Variants in SDK1 observed in about 807,000 individuals in gnomAD.
SDK1 encodes the protein sidekick cell adhesion molecule 1, also known as protein sidekick-1.
Under a neutral mutation model 245.5 loss-of-function variants are expected in SDK1, and 157 were observed. That is an observed-to-expected ratio of 0.64 (90% CI 0.56 to 0.73). SDK1 has a LOEUF of 0.73. Ranked by LOEUF, SDK1 falls within the 30% of genes least tolerant of loss-of-function variation. The pLI, the probability that SDK1 is intolerant of heterozygous loss-of-function variation, is 0.00. For synonymous variants in SDK1, 1,647 were observed against 1,278.5 expected (o/e 1.29, Z -6.15); for missense variants, 3,583 against 3,002.3 (o/e 1.19, Z -4.52).
At chr7:3,384,448 T>C (rs1250087212) in intron 1 of SDK1, among the ~76,000 whole-genome samples, 2 of 152,240 alleles carry the variant, frequency 1.3e-5, no homozygotes, top group Non-Finnish European at 2.9e-5. Flanking sequence ...GCGTCCTATA[T>C]GCTTTTAGAA....
At position 3,529,087 on chromosome 7, in the gene SDK1, A is replaced by C. The variant is rs139008254; in HGVS notation, c.299-89993A>C. Among the ~76,000 whole-genome samples the C allele has an allele frequency of 2.6e-3, 402 of 152,292 alleles. 2 individuals carry two copies. The highest frequency in any genetic ancestry group is 9.2e-3 in the African/African-American group (382 of 41,554). The stretch of plus-strand genomic sequence containing the variant: ...GAACTAGGTTTATCATCAACAGATA[A>C]GGGATTTATAAATGTGGAAAGGGGA... On this transcript the variant is annotated intron_variant, in intron 1 of 44. Coordinates refer to ENST00000404826, the MANE Select transcript of SDK1 (RefSeq NM_152744.4).
intron 5 of SDK1, among the ~76,000 whole-genome samples, chr7:3,826,440 C>G (rs1779777263): frequency 6.6e-6 from 1 of 152,134 alleles, no homozygotes. Context: ...ATAATTGTTT[C>G]TTCTTGGCGA....
At chr7:4,114,350 C>A in intron 25 of SDK1, 76 bp downstream of exon 25, 1 of 1,191,798 alleles carries the variant, frequency 8.4e-7, no homozygotes, top group Non-Finnish European at 1.2e-6. Context: ...CTCCAGATCC[C>A]AGGCTAGTGG....
intron 17 of SDK1, among the ~76,000 whole-genome samples, chr7:4,031,613 G>A (rs1410826308): frequency 6.7e-6 from 1 of 149,072 alleles, no homozygotes; most frequent in African/African-American, 2.4e-5. Context: ...GTAATTATAT[G>A]TATGTAGAGA....
intron 5 of SDK1, among the ~76,000 whole-genome samples, chr7:3,902,946 G>A (rs756467410): frequency 1.8e-4 from 27 of 151,960 alleles, no homozygotes; most frequent in Non-Finnish European, 3.4e-4. Flanking sequence ...AAGACAAATG[G>A]CCTAATTTTA....
intron 19 of SDK1, among the ~76,000 whole-genome samples, chr7:4,063,761 C>T (rs1165579464): frequency 1.3e-5 from 2 of 151,940 alleles, no homozygotes; most frequent in Non-Finnish European, 2.9e-5. Flanking sequence ...ATGGTATTGG[C>T]GTTAACAACA....
intron 12 of SDK1, 74 bp downstream of exon 12, chr7:3,971,642 G>A: frequency 1.8e-6 from 2 of 1,102,554 alleles, no homozygotes; most frequent in Non-Finnish European, 2.7e-6. Flanking sequence ...TTGAGATGAG[G>A]AGGAAGAATT....
At chr7:3,387,434 G>A (rs1781637490) in intron 1 of SDK1, among the ~76,000 whole-genome samples, 1 of 152,052 alleles carries the variant, frequency 6.6e-6, no homozygotes, top group Admixed American at 6.5e-5. Context: ...TCTCCTTTTT[G>A]GCAACTGGCA....
rs1786544872 is a variant in SDK1, at chr7:4,241,884, G to A, written c.6222G>A (p.Lys2074=). The A allele has an allele frequency of 2.5e-6, 4 of 1,613,968 alleles. No homozygotes were observed. Among genetic ancestry groups the A allele is most frequent in the Non-Finnish European group, 2.5e-6 (3 of 1,180,034 alleles). ...LELSSRHLNV[K]STFSKKNGTR... ...TCAGCAGCCGCCACCTCAATGTCAA[G>A]AGCACCTTCTCCAAGAAGAACGGGA... is the stretch of plus-strand genomic sequence containing the variant. Residue 2074 remains lysine (K), a synonymous_variant, in exon 43 of 45, where the codon AAG becomes AAA. Coordinates refer to ENST00000404826, the MANE Select transcript of SDK1 (RefSeq NM_152744.4).
At chr7:3,587,607 T>G (rs1780733061) in intron 1 of SDK1, among the ~76,000 whole-genome samples, 2 of 152,222 alleles carry the variant, frequency 1.3e-5, no homozygotes, top group Admixed American at 6.5e-5. Flanking sequence ...CCCAATGGAC[T>G]GGACGATCCC....
At chr7:3,327,337 G>A (rs1779962853) in intron 1 of SDK1, among the ~76,000 whole-genome samples, 1 of 152,110 alleles carries the variant, frequency 6.6e-6, no homozygotes, top group African/African-American at 2.4e-5. Flanking sequence ...GGGATAACAA[G>A]GAAGAAGCTG....
chr7:4,068,337 C>A (rs1584008970), intron 20 of SDK1, among the ~76,000 whole-genome samples: 1 of 152,132 alleles, frequency 6.6e-6, no homozygotes, highest in Admixed American at 6.5e-5. Flanking sequence ...AAACTGAGGC[C>A]CCGAGAGGGT....
At chr7:3,364,977 C>T (rs905815389) in intron 1 of SDK1, among the ~76,000 whole-genome samples, 9 of 152,174 alleles carry the variant, frequency 5.9e-5, no homozygotes, top group Non-Finnish European at 1.2e-4. Flanking sequence ...GAGTCCTGTA[C>T]ATGTTTCGGT....
intron 1 of SDK1, among the ~76,000 whole-genome samples, chr7:3,437,014 C>T (rs1207489957): frequency 1.3e-5 from 2 of 152,154 alleles, no homozygotes; most frequent in African/African-American, 2.4e-5. Context: ...ATGTAAGGGG[C>T]AGCGGCTGCT....
intron 5 of SDK1, among the ~76,000 whole-genome samples, chr7:3,903,686 A>G (rs1047898395): frequency 1.3e-5 from 2 of 152,126 alleles, no homozygotes; most frequent in Admixed American, 6.5e-5. Context: ...GTTTTTTAGC[A>G]CTCATGAAAT....
chr7:4,077,104 C>T lies in SDK1; in HGVS notation c.3117C>T (p.Thr1039=), dbSNP rs769911100. ...AGATCCAAGGCCTCTCATCTCTCAC[C>T]ACCTACACCATCGACGTGGCCGCTG... is the stretch of plus-strand genomic sequence containing the variant. ...EYKIQGLSSL[T]TYTIDVAAVT... The change falls in exon 21 of 45, where the codon ACC becomes ACT. Residue 1039 remains threonine (T), a synonymous_variant. Coordinates refer to ENST00000404826, the MANE Select transcript of SDK1 (RefSeq NM_152744.4). The T allele has an allele frequency of 6.2e-6, 10 of 1,614,210 alleles. No individual in the cohort carries two copies. The highest frequency in any genetic ancestry group is 8.5e-6 in the Non-Finnish European group (10 of 1,180,032).
intron 1 of SDK1, among the ~76,000 whole-genome samples, chr7:3,373,194 C>T (rs945755295): frequency 6.6e-6 from 1 of 152,170 alleles, no homozygotes; most frequent in African/African-American, 2.4e-5. Flanking sequence ...CCTACCCTAC[C>T]TTAAACGTGC....
chr7:3,722,239 G>A (rs1778832974), intron 4 of SDK1, among the ~76,000 whole-genome samples: 2 of 152,204 alleles, frequency 1.3e-5, no homozygotes, highest in East Asian at 1.9e-4. Context: ...TTGGTAGACT[G>A]TACAGAAGAA....
chr7:4,080,918 A>C lies in SDK1; in HGVS notation c.3324+1334A>C, dbSNP rs192249713. On this transcript the variant is annotated intron_variant, in intron 22 of 44. Transcript: ENST00000404826. ...ATCAGTCTTCAGCAAATGAAGACTA[A>C]ATTGATGAAAGCAAACTTTAAAACG... Among the ~76,000 whole-genome samples the C allele has an allele frequency of 2.7e-4, 41 of 152,358 alleles. No individual in the cohort carries two copies. The East Asian group carries it at 7.3e-3, about 27-fold the overall frequency.
Sources: allele counts gnomAD v4.1 joint callset (sites outside exome capture counted in the v4.1 genomes callset), GRCh38; gene constraint gnomAD v4.1.1; transcripts MANE v1.5; gene names NCBI Gene and HGNC (gene_info 2026-07-23, HGNC 2026-07-21).